The following NFIX variants were observed in gnomAD, a reference collection of about 807,000 sequenced individuals.
NFIX encodes nuclear factor I X, also known as nuclear factor 1 X-type.
NFIX carries 2 observed loss-of-function variants against 53.3 expected under a neutral mutation model. That is an observed-to-expected ratio of 0.04 (90% CI 0.02 to 0.12). The LOEUF (loss-of-function observed/expected upper bound fraction) is 0.12. Among genes scored for constraint, NFIX ranks in the 10% least tolerant of loss-of-function variants. NFIX has a pLI of 1.00. For missense variants in NFIX, 310 were observed against 674.5 expected (o/e 0.46, Z 5.99); for synonymous variants, 244 against 289.0 (o/e 0.84, Z 1.58).
chr19:13,074,641 T>C (rs1396371674), intron 5 of NFIX, among the ~76,000 whole-genome samples: 1 of 149,256 alleles, frequency 6.7e-6, no homozygotes, highest in African/African-American at 2.5e-5. Flanking sequence ...GGGAGGGAGC[T>C]GCTTGGGAGG....
rs1210767082 is a variant in NFIX at position 13,097,185 on chromosome 19, T to G, written c.*2536T>G. 6.7e-6 allele frequency: 1 copy of G among 149,614 alleles called. No individual in the cohort carries two copies. Among genetic ancestry groups the G allele is most frequent in the Non-Finnish European group, 1.5e-5 (1 of 67,556 alleles). The allele number at this position is 149,614 out of a possible 1,614,324, so 9.3% of individuals were successfully genotyped here. On this transcript the variant is annotated 3_prime_UTR_variant, in exon 11 of 11. Coordinates refer to ENST00000592199, the MANE Select transcript of NFIX (RefSeq NM_001365902.3). ...TTTTTCCCTTTTTTTTGTTCGTTTT[T>G]AGTTTTTTTTTTTTTAAGTCGTTTT...
At position 13,023,000 on chromosome 19, in the gene NFIX, C is replaced by T. The variant is rs1422688205; in HGVS notation, c.28-2021C>T. Among the ~76,000 whole-genome samples the T allele has an allele frequency of 1.3e-5, 2 of 152,042 alleles. No homozygotes were observed. Among genetic ancestry groups the T allele is most frequent in the Admixed American group, 6.5e-5 (1 of 15,280 alleles). ...CCCTCCCTGCTCGCCCGGTTCCCTC[C>T]TCCCCTTGGACGCAGCCATTGGCTG... On this transcript the variant is annotated intron_variant, in intron 1 of 10. Coordinates refer to ENST00000592199, the MANE Select transcript of NFIX (RefSeq NM_001365902.3). This position sits in a 1 kb window ranked among gnomAD's most constrained non-coding sequence, Gnocchi z 4.5.
Position 13,043,621 on chromosome 19 carries a change from T to C in NFIX, c.559+18069T>C, listed in dbSNP as rs544298027. On this transcript the variant is annotated intron_variant, in intron 2 of 10. Coordinates refer to ENST00000592199, the MANE Select transcript of NFIX (RefSeq NM_001365902.3). This position sits in a 1 kb window ranked among gnomAD's most constrained non-coding sequence, Gnocchi z 4.0. ...GAGGGTGAGCTGTTGCTGTGGACTG[T>C]GGACTTTGACATCACTCATAGACAC... 6.6e-6 allele frequency among the ~76,000 whole-genome samples: 1 copy of C among 152,294 alleles called. No homozygotes were observed. Among genetic ancestry groups the C allele is most frequent in the African/African-American group, 2.4e-5 (1 of 41,548 alleles).
At chr19:13,017,720 C>T (rs1318467740) in intron 1 of NFIX, among the ~76,000 whole-genome samples, 1 of 152,250 alleles carries the variant, frequency 6.6e-6, no homozygotes. Flanking sequence ...CTGGCCTTCT[C>T]TCTCGACTTC....
intron 2 of NFIX, among the ~76,000 whole-genome samples, chr19:13,046,264 GGGT>G (rs1399120225): frequency 6.6e-6 from 1 of 152,186 alleles, no homozygotes; most frequent in Non-Finnish European, 1.5e-5. Flanking sequence ...CTGTGGGGCT[GGGT>G]GAGATGGGTG....
In NFIX at chr19:12,996,890, C is replaced by T. The variant is rs752974926; in HGVS notation, c.27+1026C>T. ...ATGCCTGTCGGGCCACCCAACTCTC[C>T]CTGGGCTGTGGCCTGAGGCTCTAAG... On this transcript the variant is annotated intron_variant, in intron 1 of 10. Transcript: ENST00000592199. This position sits in a 1 kb window ranked among gnomAD's most constrained non-coding sequence, Gnocchi z 5.2. Among the ~76,000 whole-genome samples the T allele has an allele frequency of 3.3e-5, 5 of 152,286 alleles. No homozygotes were observed. The highest frequency in any genetic ancestry group is 6.5e-5 in the Admixed American group (1 of 15,292).
intron 1 of NFIX, 40 bp downstream of exon 1, chr19:12,995,904 G>GGGCGCGGGAGGCCGGCCGGC (rs1599690693): frequency 1.0e-6 from 1 of 953,044 alleles, no homozygotes; most frequent in East Asian, 1.2e-4. Flanking sequence ...GGAGGGGAGC[G>GGGCGCGGGAGGCCGGCCGGC]GGCGCGGGAG....
In NFIX at chr19:13,097,334, TCAAC is replaced by T. The variant is rs1009169287; in HGVS notation, c.*2690_*2693del. ...AAAAAACACCTCGACATTTAAAAAA[TCAAC>T]CAACACAAGATCAAAAAGGAAAAGG... is the stretch of plus-strand genomic sequence containing the variant. On this transcript the variant is annotated 3_prime_UTR_variant, in exon 11 of 11. Transcript: ENST00000592199. The T allele has an allele frequency of 1.2e-4, 18 of 152,174 alleles. No individual in the cohort carries two copies. Among genetic ancestry groups the T allele is most frequent in the African/African-American group, 4.4e-4 (18 of 41,274 alleles). 9.4% of individuals were successfully genotyped at this position (152,174 alleles called of 1,614,324 possible). A position where few individuals can be genotyped will look rare whatever the true frequency, so the allele number is the denominator to read the frequency against.
rs112181928 is a variant in NFIX at position 13,030,032 on chromosome 19, C to T, written c.559+4480C>T. On this transcript the variant is annotated intron_variant, in intron 2 of 10. Coordinates refer to ENST00000592199, the MANE Select transcript of NFIX (RefSeq NM_001365902.3). ...TGGGAGGGTCCACAGGAGCACCCGC[C>T]GCTTTCTCCAGGTCCACCCCCACCA... Among the ~76,000 whole-genome samples the T allele has an allele frequency of 4.2e-3, 641 of 152,290 alleles. 4 individuals carry two copies. Among genetic ancestry groups the T allele is most frequent in the African/African-American group, 0.015 (610 of 41,546 alleles).
In NFIX at chr19:13,060,145, G is replaced by C. The variant is rs991139438; in HGVS notation, c.560-12902G>C. Among the ~76,000 whole-genome samples the C allele has an allele frequency of 2.0e-5, 3 of 152,190 alleles. No individual in the cohort carries two copies. Among genetic ancestry groups the C allele is most frequent in the Admixed American group, 6.5e-5 (1 of 15,280 alleles). ...TCCACTTCAGCCTCTGCTTTGGCAG[G>C]CTCTGGGGTGGGAGTAAGCCTGTTC... On this transcript the variant is annotated intron_variant, in intron 2 of 10. Coordinates refer to ENST00000592199, the MANE Select transcript of NFIX (RefSeq NM_001365902.3). This position sits in a 1 kb window ranked among gnomAD's most constrained non-coding sequence, Gnocchi z 4.3.
At chr19:12,997,878 G>T (rs2011526492) in intron 1 of NFIX, among the ~76,000 whole-genome samples, 1 of 152,204 alleles carries the variant, frequency 6.6e-6, no homozygotes, top group Non-Finnish European at 1.5e-5. Context: ...TGTGATTGTA[G>T]GCCCAGGTTA....
chr19:13,087,934 CGT>C, intron 8 of NFIX, 53 bp from the exon 9 acceptor site: 2 of 1,532,072 alleles, frequency 1.3e-6, no homozygotes, highest in African/African-American at 1.4e-5. Context: ...CGCAGGGGAG[CGT>C]GTGTCTGTGT....
rs900882121 is a variant in NFIX, at chr19:13,021,319, T to C, written c.28-3702T>C. Among the ~76,000 whole-genome samples the C allele has an allele frequency of 2.6e-5, 4 of 152,126 alleles. No individual in the cohort carries two copies. Among genetic ancestry groups the C allele is most frequent in the Non-Finnish European group, 5.9e-5 (4 of 67,998 alleles). On this transcript the variant is annotated intron_variant, in intron 1 of 10. Coordinates refer to ENST00000592199, the MANE Select transcript of NFIX (RefSeq NM_001365902.3). The surrounding 1 kb of genome is among the most constrained non-coding windows in gnomAD (Gnocchi z 4.2). ...AACCGTTTCTTTCAGGGATCAGCCA[T>C]GAGCTCAGTTCACTTGAGATGGATA...
chr19:13,075,989 C>T (rs1275332658), intron 6 of NFIX, among the ~76,000 whole-genome samples: 1 of 152,122 alleles, frequency 6.6e-6, no homozygotes. Context: ...AGAGGTTGCC[C>T]CACCCCGTGG....
chr19:13,024,468 C>A, intron 1 of NFIX: 1 of 1,468,422 alleles, frequency 6.8e-7, no homozygotes, highest in Non-Finnish European at 9.0e-7. Context: ...TCCTCACTCG[C>A]TTGCTCGTGG....
Position 13,094,685 on chromosome 19 carries a change from G to T in NFIX, c.*36G>T, listed in dbSNP as rs1309149048. ...AAAAGAAACAACAAAATGAGAAGAAGAGGTTCCTCGAAAGGGGGGAGAAGA... is the reference window on the plus strand; with the variant it reads ...AAAAGAAACAACAAAATGAGAAGAATAGGTTCCTCGAAAGGGGGGAGAAGA... On this transcript the variant is annotated 3_prime_UTR_variant, in exon 11 of 11. Transcript: ENST00000592199. This position sits in a 1 kb window ranked among gnomAD's most constrained non-coding sequence, Gnocchi z 4.3. 1 of 1,533,438 alleles carries T rather than the reference G, an allele frequency of 6.5e-7. No homozygotes were observed. Among genetic ancestry groups the T allele is most frequent in the Non-Finnish European group, 8.7e-7 (1 of 1,144,466 alleles). 95.0% of individuals were successfully genotyped at this position (1,533,438 alleles called of 1,614,324 possible). A position where few individuals can be genotyped will look rare whatever the true frequency, so the allele number is the denominator to read the frequency against.
Position 13,025,557 on chromosome 19 carries a change from G to GTCGT in NFIX, c.559+8_559+11dup. On this transcript the variant is annotated splice_donor_region_variant and intron_variant, in intron 2 of 10. Coordinates refer to ENST00000592199, the MANE Select transcript of NFIX (RefSeq NM_001365902.3). The surrounding 1 kb of genome is among the most constrained non-coding windows in gnomAD (Gnocchi z 7.5). ...CTTACTTTGTCCACACTCCGGGTAG[G>GTCGT]TCGTTCTCAACCATTTTTCCCTCTC... is the stretch of plus-strand genomic sequence containing the variant. The GTCGT allele has an allele frequency of 6.2e-7, 1 of 1,601,154 alleles. No individual in the cohort carries two copies. The highest frequency in any genetic ancestry group is 8.5e-7 in the Non-Finnish European group (1 of 1,171,568).
chr19:13,010,827 T>C (rs796450107), intron 1 of NFIX, among the ~76,000 whole-genome samples: 9 of 152,322 alleles, frequency 5.9e-5, no homozygotes, highest in African/African-American at 2.2e-4. Flanking sequence ...ATTCAGGTTG[T>C]TGCGGGAGCC....
chr19:13,073,271 G>T lies in NFIX; in HGVS notation c.623-151G>T. Reference sequence around the variant, plus strand: ...TGAGGGGATGGGGGCACACCTAGAGGATCCCCCCTGTTCGGTGTAGACCTG... The same window carrying T: ...TGAGGGGATGGGGGCACACCTAGAGTATCCCCCCTGTTCGGTGTAGACCTG... On this transcript the variant is annotated intron_variant, in intron 3 of 10. Transcript: ENST00000592199. The surrounding 1 kb of genome is among the most constrained non-coding windows in gnomAD (Gnocchi z 4.5). 1 of 895,622 alleles carries T rather than the reference G, an allele frequency of 1.1e-6. No homozygotes were observed. Among genetic ancestry groups the T allele is most frequent in the Non-Finnish European group, 1.9e-6 (1 of 533,912 alleles). The allele number at this position is 895,622 out of a possible 1,614,324, so 55.5% of individuals were successfully genotyped here.
Sources: allele counts gnomAD v4.1 joint callset (sites outside exome capture counted in the v4.1 genomes callset), GRCh38; gene constraint gnomAD v4.1.1; non-coding constraint Gnocchi (gnomAD v3.1); transcripts MANE v1.5; gene names NCBI Gene and HGNC (gene_info 2026-07-23, HGNC 2026-07-21).